ADAMTS12: variants seen among roughly 807,000 people sequenced by gnomAD.
ADAMTS12 encodes ADAM metallopeptidase with thrombospondin type 1 motif 12.
In ADAMTS12, 118 loss-of-function variants were observed where a neutral mutation model predicts 167.8. The ratio of observed to expected loss-of-function variants is 0.70; its 90% confidence interval spans 0.61 to 0.82. The LOEUF (loss-of-function observed/expected upper bound fraction) is 0.82, where lower values mean the gene tolerates loss of function less well. ADAMTS12 is among the 40% of genes least tolerant of loss of function. The probability of loss-of-function intolerance (pLI) is 0.00; values close to 1 mark genes in which losing one functional copy is unlikely to be tolerated. For missense variants in ADAMTS12, 1,916 were observed against 1,998.8 expected (o/e 0.96, Z 0.79); for synonymous variants, 704 against 716.9 (o/e 0.98, Z 0.29).
chr5:33,556,071 C>T (rs1177141886), intron 20 of ADAMTS12, among the ~76,000 whole-genome samples: 1 of 152,224 alleles, frequency 6.6e-6, no homozygotes, highest in Admixed American at 6.5e-5. Context: ...TGTCCAGGGC[C>T]TTGTTTAGTC....
At chr5:33,717,696 A>G (rs908578053) in intron 3 of ADAMTS12, among the ~76,000 whole-genome samples, 1 of 152,182 alleles carries the variant, frequency 6.6e-6, no homozygotes, top group Non-Finnish European at 1.5e-5. Flanking sequence ...TTATTTCTAC[A>G]TGCCTTCCTC....
chr5:33,691,920 T>C (rs932562219), intron 3 of ADAMTS12, among the ~76,000 whole-genome samples: 2 of 152,252 alleles, frequency 1.3e-5, no homozygotes, highest in African/African-American at 2.4e-5. Context: ...GGTGTCTAAA[T>C]AGATCTGGGC....
chr5:33,844,875 T>C lies in ADAMTS12; in HGVS notation c.489+36244A>G, dbSNP rs188548430. Reference sequence around the variant, plus strand: ...TTTAAAATCTCTCTTTTGTACTCTGTCCCTTTATTTCTCAACCCGGCCGAT... The same window carrying C: ...TTTAAAATCTCTCTTTTGTACTCTGCCCCTTTATTTCTCAACCCGGCCGAT... On this transcript the variant is annotated intron_variant, in intron 2 of 23. Coordinates refer to ENST00000504830, the MANE Select transcript of ADAMTS12 (RefSeq NM_030955.4). Among the ~76,000 whole-genome samples, 203 of 152,266 alleles carry C rather than the reference T, an allele frequency of 1.3e-3. 1 individual carries two copies. Among genetic ancestry groups the C allele is most frequent in the African/African-American group, 4.7e-3 (195 of 41,562 alleles).
intron 2 of ADAMTS12, among the ~76,000 whole-genome samples, chr5:33,776,164 T>C (rs929649338): frequency 1.3e-5 from 2 of 152,168 alleles, no homozygotes; most frequent in Non-Finnish European, 2.9e-5. Flanking sequence ...GGATAAATCA[T>C]TGAGACAGAA....
At chr5:33,731,639 G>C (rs1744197778) in intron 3 of ADAMTS12, among the ~76,000 whole-genome samples, 1 of 152,154 alleles carries the variant, frequency 6.6e-6, no homozygotes, top group South Asian at 2.1e-4. Context: ...ATTAAGGATT[G>C]CTAAAAATCC....
chr5:33,756,162 T>C (rs1231549524), intron 2 of ADAMTS12, among the ~76,000 whole-genome samples: 2 of 152,088 alleles, frequency 1.3e-5, no homozygotes, highest in African/African-American at 2.4e-5. Flanking sequence ...AAGCCCAGGG[T>C]AATTTTATGC....
chr5:33,759,303 T>C (rs1745269086), intron 2 of ADAMTS12, among the ~76,000 whole-genome samples: 1 of 152,230 alleles, frequency 6.6e-6, no homozygotes, highest in South Asian at 2.1e-4. Context: ...GCCTCCTGTA[T>C]TTCCTGCTGG....
chr5:33,549,383 A>G lies in ADAMTS12; in HGVS notation c.4126T>C (p.Cys1376Arg). ...AGWKVGNWSK[C>R]SRNCSGGFKI... is the part of the protein sequence containing the mutation. ...AAGCCCCCACTGCAGTTTCTGGAGC[A>G]CTGTATGGAGAGAAAAATCAAAGGC... The change falls in exon 21 of 24, where the codon TGC (cysteine) becomes CGC (arginine). Residue 1376 changes from cysteine (C) to arginine (R), a missense_variant and splice_region_variant. Cys to Arg is a radical substitution (Grantham distance 180). Transcript: ENST00000504830. The G allele has an allele frequency of 6.2e-7, 1 of 1,612,204 alleles. No homozygotes were observed. The highest frequency in any genetic ancestry group is 8.5e-7 in the Non-Finnish European group (1 of 1,178,446).
At chr5:33,756,645 A>G (rs938037446) in intron 2 of ADAMTS12, among the ~76,000 whole-genome samples, 1 of 152,138 alleles carries the variant, frequency 6.6e-6, no homozygotes, top group African/African-American at 2.4e-5. Context: ...GCCTCCATGA[A>G]GCCAATGAAG....
At chr5:33,644,600 C>G (rs1418373225) in intron 9 of ADAMTS12, among the ~76,000 whole-genome samples, 1 of 151,806 alleles carries the variant, frequency 6.6e-6, no homozygotes, top group Non-Finnish European at 1.5e-5. Flanking sequence ...TTTTATTATC[C>G]CTATATAAAA....
chr5:33,721,910 T>C (rs759068229), intron 3 of ADAMTS12, among the ~76,000 whole-genome samples: 18 of 152,234 alleles, frequency 1.2e-4, no homozygotes, highest in Non-Finnish European at 2.6e-4. Flanking sequence ...CCAAATGCCA[T>C]GGTCTTTGTT....
At chr5:33,732,544 A>T (rs1176031553) in intron 3 of ADAMTS12, among the ~76,000 whole-genome samples, 2 of 152,208 alleles carry the variant, frequency 1.3e-5, no homozygotes, top group Non-Finnish European at 2.9e-5. Context: ...AAAATCTGAC[A>T]ACTGTGGATA....
chr5:33,531,227 A>G (rs1207351914), intron 23 of ADAMTS12, among the ~76,000 whole-genome samples: 1 of 152,202 alleles, frequency 6.6e-6, no homozygotes, highest in Non-Finnish European at 1.5e-5. Context: ...TAATACCTTG[A>G]TTTTGGACTT....
intron 3 of ADAMTS12, among the ~76,000 whole-genome samples, chr5:33,687,911 A>G (rs1170566556): frequency 1.3e-5 from 2 of 152,168 alleles, no homozygotes; most frequent in Admixed American, 1.3e-4. Context: ...AGCTCCCCTC[A>G]CTATTTCCCA....
At chr5:33,675,620 G>A (rs1200971654) in intron 5 of ADAMTS12, among the ~76,000 whole-genome samples, 4 of 152,104 alleles carry the variant, frequency 2.6e-5, no homozygotes, top group African/African-American at 7.2e-5. Context: ...TTGATACTTC[G>A]CCCCTGTGTA....
chr5:33,646,343 A>C (rs1740662481), intron 9 of ADAMTS12, among the ~76,000 whole-genome samples: 1 of 152,190 alleles, frequency 6.6e-6, no homozygotes, highest in Non-Finnish European at 1.5e-5. Context: ...CTAGTTACTT[A>C]GGTCTTCGAT....
At chr5:33,688,895 A>G (rs1467164515) in intron 3 of ADAMTS12, among the ~76,000 whole-genome samples, 1 of 152,152 alleles carries the variant, frequency 6.6e-6, no homozygotes, top group African/African-American at 2.4e-5. Context: ...CAGGTTGACC[A>G]CTAACTGGAC....
At chr5:33,797,223 AC>A (rs1746809077) in intron 2 of ADAMTS12, among the ~76,000 whole-genome samples, 2 of 152,188 alleles carry the variant, frequency 1.3e-5, no homozygotes, top group Non-Finnish European at 2.9e-5. Flanking sequence ...CTTCACTTTT[AC>A]AGACCTTGAG....
At chr5:33,774,076 A>G (rs73759097) in intron 2 of ADAMTS12, among the ~76,000 whole-genome samples, 4,544 of 152,234 alleles carry the variant, frequency 0.03, 193 homozygotes, top group East Asian at 0.14. Flanking sequence ...GACAAAAACC[A>G]CAATTACTTT....
Sources: allele counts gnomAD v4.1 joint callset (sites outside exome capture counted in the v4.1 genomes callset), GRCh38; gene constraint gnomAD v4.1.1; transcripts MANE v1.5; gene names NCBI Gene and HGNC (gene_info 2026-07-23, HGNC 2026-07-21).